Variants in MGA observed in about 807,000 individuals in gnomAD.
MGA encodes MAX dimerization protein MGA, also known as MAX gene-associated protein.
Under a neutral mutation model 261.1 loss-of-function variants are expected in MGA, and 40 were observed. That is an observed-to-expected ratio of 0.15 (90% CI 0.12 to 0.20). The LOEUF is 0.20. MGA is among the 10% of genes least tolerant of loss of function. The pLI is 1.00. For missense variants in MGA, 3,397 were observed against 3,630.5 expected, an observed-to-expected ratio of 0.94 and a Z score of 1.65; for synonymous variants, 1,302 against 1,290.6, an observed-to-expected ratio of 1.01 and a Z score of -0.19.
intron 2 of MGA, chr15:41,691,578 G>T: frequency 2.1e-6 from 1 of 487,788 alleles, no homozygotes; most frequent in Non-Finnish European, 4.4e-6. Flanking sequence ...AAGTAGACGT[G>T]GCAAGAACTG....
intron 15 of MGA, among the ~76,000 whole-genome samples, chr15:41,745,343 A>G (rs1415336408): frequency 2.0e-5 from 3 of 150,158 alleles, no homozygotes; most frequent in Non-Finnish European, 4.4e-5. Flanking sequence ...ATTACTCGGC[A>G]TAATAGAGGT....
At chr15:41,668,460 A>G (rs540125230) in intron 1 of MGA, among the ~76,000 whole-genome samples, 50 of 152,206 alleles carry the variant, frequency 3.3e-4, no homozygotes, top group Non-Finnish European at 5.7e-4. Context: ...GTAAATTCAT[A>G]AAGTGTTAGG....
upstream of MGA, among the ~76,000 whole-genome samples, chr15:41,657,499 G>A (rs1340694683): frequency 1.3e-5 from 2 of 151,788 alleles, no homozygotes; most frequent in Admixed American, 6.6e-5. Flanking sequence ...GATTATGGGC[G>A]CACGCCACCA....
chr15:41,711,165 A>G lies in MGA; in HGVS notation c.2900A>G (p.Gln967Arg). The G allele has an allele frequency of 1.2e-6, 2 of 1,614,054 alleles. No individual in the cohort carries two copies. Among genetic ancestry groups the G allele is most frequent in the Non-Finnish European group, 1.7e-6 (2 of 1,179,908 alleles). The stretch of plus-strand genomic sequence containing the variant: ...TTGGATGAAAATATATTTCCAAAGC[A>G]GATTAGTTTGCGGCAGGCACAGCAG... Residue 967 changes from glutamine to arginine, a missense_variant, in exon 8 of 24, where the codon CAG (glutamine) becomes CGG (arginine). Around this residue, in one of 9 missense-constraint regions of MGA, gnomAD observed 519 missense variants for 554.1 expected, o/e 0.94. Transcript: ENST00000219905.
At chr15:41,711,832 A>G (rs945964608) in intron 8 of MGA, among the ~76,000 whole-genome samples, 3 of 152,014 alleles carry the variant, frequency 2.0e-5, no homozygotes, top group African/African-American at 7.2e-5. Flanking sequence ...AGTAGCTGGG[A>G]CTATAGGCAC....
chr15:41,654,094 C>T (rs1277723222), intron 1 of MGA, among the ~76,000 whole-genome samples: 1 of 151,696 alleles, frequency 6.6e-6, no homozygotes, highest in Non-Finnish European at 1.5e-5. Context: ...TGTATTGTTA[C>T]TGATGAGGAG....
At chr15:41,747,249 T>A (rs1204467979) in intron 15 of MGA, among the ~76,000 whole-genome samples, 2 of 152,142 alleles carry the variant, frequency 1.3e-5, no homozygotes, top group Non-Finnish European at 2.9e-5. Context: ...GAAAAATAAT[T>A]CCCACAAACC....
At chr15:41,701,500 G>T (rs1273735970) in intron 5 of MGA, among the ~76,000 whole-genome samples, 3 of 152,170 alleles carry the variant, frequency 2.0e-5, no homozygotes, top group Non-Finnish European at 4.4e-5. Flanking sequence ...GTGTTCAAAG[G>T]CCAGTGTTTA....
In MGA at chr15:41,749,433, T is replaced by C. The variant is rs1268054422; in HGVS notation, c.5826T>C (p.Gly1942=). 1.2e-6 allele frequency: 2 copies of C among 1,614,040 alleles called. No individual in the cohort carries two copies. Among genetic ancestry groups the C allele is most frequent in the Admixed American group, 1.7e-5 (1 of 60,024 alleles). Residue 1942 remains glycine (G), a synonymous_variant, in exon 17 of 24, where the codon GGT becomes GGC. Transcript: ENST00000219905. ...CCAGTCTTATTCCTCTCCAGTCTGG[T>C]AGTTTTGCCTTGTTACAGCTCCCAG...
intron 16 of MGA, 33 bp downstream of exon 16, chr15:41,748,960 G>T: frequency 6.2e-7 from 1 of 1,602,040 alleles, no homozygotes; most frequent in Non-Finnish European, 8.5e-7. Context: ...CTTTTCTTTT[G>T]TTGAATCACT....
chr15:41,685,514 A>G (rs1284484230), intron 2 of MGA, among the ~76,000 whole-genome samples: 1 of 152,202 alleles, frequency 6.6e-6, no homozygotes. Context: ...TGCCTTGAAT[A>G]ATAGATCCAG....
chr15:41,630,155 G>A (rs1204511163), intron 1 of MGA, among the ~76,000 whole-genome samples: 2 of 151,904 alleles, frequency 1.3e-5, no homozygotes, highest in Non-Finnish European at 2.9e-5. Flanking sequence ...AATGTGCTTG[G>A]CTCTTTTATA....
At chr15:41,661,544 T>C (rs1186417030) in intron 1 of MGA, among the ~76,000 whole-genome samples, 2 of 152,078 alleles carry the variant, frequency 1.3e-5, no homozygotes, top group Non-Finnish European at 2.9e-5. Flanking sequence ...AAATGAGGTC[T>C]GAAAGGAGGG....
upstream of MGA, among the ~76,000 whole-genome samples, chr15:41,656,446 G>T (rs1221100985): frequency 1.4e-5 from 2 of 146,990 alleles, no homozygotes; most frequent in Admixed American, 7.1e-5. Context: ...GGCTTAAACA[G>T]TCCTCCCACC....
chr15:41,681,490 T>C (rs1366862453), intron 2 of MGA, among the ~76,000 whole-genome samples: 1 of 152,154 alleles, frequency 6.6e-6, no homozygotes. Context: ...CTCACTTGGT[T>C]GCCCAGGCTG....
intron 15 of MGA, among the ~76,000 whole-genome samples, chr15:41,748,077 C>G (rs990207527): frequency 6.6e-6 from 1 of 151,930 alleles, no homozygotes; most frequent in Non-Finnish European, 1.5e-5. Context: ...AGCAACAAAG[C>G]AAGACCCTGT....
rs972459852 is a variant in MGA, at chr15:41,638,294, C to T, written c.-68+16996C>T. Reference sequence around the variant, plus strand: ...CTGACTTCAGGTGATCCGCCTGTCTCGGCCTCCCAAAGTGCTGGGATTATG... The same window carrying T: ...CTGACTTCAGGTGATCCGCCTGTCTTGGCCTCCCAAAGTGCTGGGATTATG... On this transcript the variant is annotated intron_variant, in intron 1 of 8. Coordinates refer to the MGA transcript ENST00000566718. 3.3e-5 allele frequency among the ~76,000 whole-genome samples: 5 copies of T among 152,000 alleles called. No individual in the cohort carries two copies. In the South Asian group the frequency reaches 6.2e-4, roughly 19 times the overall value.
chr15:41,736,229 C>G lies in MGA; in HGVS notation c.3965C>G (p.Ser1322Cys). ...AATGAAGGAGAATCCTCTTCTACTT[C>G]TTATATGCATCAGAGGTCACCTGGT... The change falls in exon 13 of 24, where the codon TCT (serine) becomes TGT (cysteine). Residue 1322 changes from serine to cysteine, a missense_variant. Physicochemically the swap from Ser to Cys is moderately radical, Grantham distance 112. Coordinates refer to ENST00000219905, the MANE Select transcript of MGA (RefSeq NM_001164273.2). 6.2e-7 allele frequency: 1 copy of G among 1,611,590 alleles called. No homozygotes were observed. The highest frequency in any genetic ancestry group is 8.5e-7 in the Non-Finnish European group (1 of 1,178,710).
intron 2 of MGA, among the ~76,000 whole-genome samples, chr15:41,671,992 T>C (rs2150980771): frequency 6.6e-6 from 1 of 152,348 alleles, no homozygotes; most frequent in South Asian, 2.1e-4. Flanking sequence ...TCATCTTGAT[T>C]ATCTAACATA....
Sources: allele counts gnomAD v4.1 joint callset (sites outside exome capture counted in the v4.1 genomes callset), GRCh38; gene constraint gnomAD v4.1.1; regional missense constraint gnomAD v4.1.1; transcripts MANE v1.5; gene names NCBI Gene and HGNC (gene_info 2026-07-23, HGNC 2026-07-21).